Variants in LARP4B observed in about 807,000 individuals in gnomAD.
The protein encoded by LARP4B is La ribonucleoprotein 4B, also known as la-related protein 4B.
A neutral mutation model predicts 89.8 loss-of-function variants in LARP4B; 12 were observed. The ratio of observed to expected loss-of-function variants is 0.13; its 90% CI spans 0.09 to 0.22. LARP4B has a LOEUF of 0.22. Ranked by LOEUF, LARP4B falls within the 10% of genes least tolerant of loss-of-function variation. The pLI is 1.00. For missense variants in LARP4B, 757 were observed against 947.7 expected (o/e 0.80, Z 2.64); for synonymous variants, 367 against 363.3 (o/e 1.01, Z -0.12).
At chr10:940,776 C>T in the LARP4B span, among the ~76,000 whole-genome samples, 2 of 151,838 alleles carry the variant, frequency 1.3e-5, no homozygotes, top group African/African-American at 4.9e-5. Context: ...CTGGGGTGGC[C>T]GGTCAATGCC....
At chr10:808,776 T>TAC (rs959758345), downstream of LARP4B, 2 of 150,496 alleles carry the variant, frequency 1.3e-5, no homozygotes, top group South Asian at 4.2e-4. Context: ...CACGCACACA[T>TAC]ACACACACAC....
the LARP4B span, among the ~76,000 whole-genome samples, chr10:949,700 T>G: frequency 6.6e-6 from 1 of 152,268 alleles, no homozygotes; most frequent in Non-Finnish European, 1.5e-5. Context: ...GCCCACTATG[T>G]TCGGTGTCAT....
intron 3 of LARP4B, among the ~76,000 whole-genome samples, chr10:878,293 G>A (rs75914231): frequency 0.023 from 3,492 of 152,246 alleles, 123 homozygotes; most frequent in African/African-American, 0.08. Context: ...TGGCCACTGT[G>A]TTAGAAAGGA....
At chr10:898,075 T>A (rs946291837) in intron 1 of LARP4B, among the ~76,000 whole-genome samples, 1 of 147,718 alleles carries the variant, frequency 6.8e-6, no homozygotes, top group Non-Finnish European at 1.5e-5. Flanking sequence ...ACCAAGCACA[T>A]GAAAAGATCG....
chr10:887,909 C>T (rs978770486), intron 1 of LARP4B, among the ~76,000 whole-genome samples: 1 of 151,124 alleles, frequency 6.6e-6, no homozygotes, highest in Non-Finnish European at 1.5e-5. Context: ...TGTATAATCC[C>T]AGCTACTCAG....
chr10:958,825 C>T, the LARP4B span, among the ~76,000 whole-genome samples: 2 of 152,222 alleles, frequency 1.3e-5, no homozygotes, highest in South Asian at 4.1e-4. Flanking sequence ...GGCCTGCTGC[C>T]CACATCACCC....
At chr10:969,477 C>T in the LARP4B span, among the ~76,000 whole-genome samples, 15 of 152,144 alleles carry the variant, frequency 9.9e-5, no homozygotes, top group Non-Finnish European at 1.6e-4. Context: ...CACCTGTAGT[C>T]CCAGCACTTT....
At chr10:917,618 C>T (rs1165419837) in intron 1 of LARP4B, among the ~76,000 whole-genome samples, 1 of 152,150 alleles carries the variant, frequency 6.6e-6, no homozygotes, top group Non-Finnish European at 1.5e-5. Context: ...GCAAGTAAAA[C>T]AATCTTACTT....
chr10:807,611 C>G (rs1445715476), downstream of LARP4B: 4 of 152,538 alleles, frequency 2.6e-5, no homozygotes, highest in East Asian at 7.7e-4. Flanking sequence ...CAGCCTGTAT[C>G]AGGATCCTCT....
chr10:927,412 T>C (rs1219716048), intron 1 of LARP4B, among the ~76,000 whole-genome samples: 1 of 152,168 alleles, frequency 6.6e-6, no homozygotes, highest in African/African-American at 2.4e-5. Context: ...AACTTTCAAG[T>C]TGGAATTTAT....
the LARP4B span, among the ~76,000 whole-genome samples, chr10:983,316 C>A: frequency 2.0e-5 from 3 of 152,222 alleles, no homozygotes; most frequent in Non-Finnish European, 4.4e-5. Flanking sequence ...CTATTGTCAA[C>A]CTTTACTCCA....
the LARP4B span, among the ~76,000 whole-genome samples, chr10:954,167 A>G: frequency 1.3e-5 from 2 of 152,146 alleles, no homozygotes; most frequent in Non-Finnish European, 2.9e-5. The surrounding 1 kb of genome is among the most constrained non-coding windows in gnomAD (Gnocchi z 5.0). Flanking sequence ...TTTTTGCGCC[A>G]TCTGCTGCAC....
rs1831779874 is a variant in LARP4B at position 812,415 on chromosome 10, A to G, written c.*511T>C. ...GCTTAGGTGGAAGCACAGCTCCCAC[A>G]TCAGCACTGATGCCCTGGCGCGGCC... On this transcript the variant is annotated 3_prime_UTR_variant, in exon 18 of 18. Coordinates refer to ENST00000316157, the MANE Select transcript of LARP4B (RefSeq NM_015155.3). 1 of 152,320 alleles carries G rather than the reference A, an allele frequency of 6.6e-6. No homozygotes were observed. Among genetic ancestry groups the G allele is most frequent in the South Asian group, 2.1e-4 (1 of 4,840 alleles). 9.4% of individuals were successfully genotyped at this position (152,320 alleles called of 1,614,324 possible). A position where few individuals can be genotyped will look rare whatever the true frequency, so the allele number is the denominator to read the frequency against.
chr10:891,494 A>G (rs1280586541), intron 1 of LARP4B, among the ~76,000 whole-genome samples: 1 of 152,224 alleles, frequency 6.6e-6, no homozygotes, highest in Non-Finnish European at 1.5e-5. Flanking sequence ...AGAGATGTAT[A>G]TTGAAATATT....
At chr10:840,228 A>T (rs1418728204) in intron 7 of LARP4B, among the ~76,000 whole-genome samples, 1 of 152,110 alleles carries the variant, frequency 6.6e-6, no homozygotes, top group Non-Finnish European at 1.5e-5. Flanking sequence ...TAGAATGCAT[A>T]ATTTATGGTA....
chr10:981,394 T>G, the LARP4B span, among the ~76,000 whole-genome samples: 9 of 152,306 alleles, frequency 5.9e-5, no homozygotes, highest in Non-Finnish European at 2.9e-5. Flanking sequence ...GCTCCACTCG[T>G]TGGTACCAAT....
chr10:923,503 TA>T (rs201722042), intron 1 of LARP4B, among the ~76,000 whole-genome samples: 1,334 of 122,530 alleles, frequency 0.011, 2 homozygotes, highest in African/African-American at 0.017. Context: ...ATGGACCCAG[TA>T]AAAAAAAAAA....
chr10:920,671 T>G (rs1314504097), intron 1 of LARP4B, among the ~76,000 whole-genome samples: 1 of 151,248 alleles, frequency 6.6e-6, no homozygotes, highest in Admixed American at 6.6e-5. Flanking sequence ...ACTCTGGAGG[T>G]TGAAGCACGA....
chr10:833,272 A>AAAC (rs1554791680), intron 8 of LARP4B, among the ~76,000 whole-genome samples: 39 of 148,430 alleles, frequency 2.6e-4, no homozygotes, highest in African/African-American at 8.8e-4. Context: ...AAAAAAAAAA[A>AAAC]AAAAAAAAAA....
Sources: gnomAD v4.1 joint callset for allele counts (sites outside exome capture counted in the v4.1 genomes callset) on GRCh38, gnomAD v4.1.1 for gene constraint, Gnocchi (gnomAD v3.1) non-coding constraint, MANE v1.5 for transcripts, NCBI Gene and HGNC (gene_info 2026-07-23, HGNC 2026-07-21) for gene names.